Variants in STXBP5L observed in about 807,000 individuals in gnomAD.
STXBP5L encodes the protein syntaxin-binding protein 5-like.
Under a neutral mutation model 144.5 loss-of-function variants are expected in STXBP5L, and 65 were observed. The ratio of observed to expected loss-of-function variants is 0.45; its 90% CI spans 0.37 to 0.55. STXBP5L has a LOEUF of 0.55. Among genes scored for constraint, STXBP5L ranks in the 20% least tolerant of loss-of-function variants. The probability of loss-of-function intolerance (pLI) is 0.00; values close to 1 mark genes in which losing one functional copy is unlikely to be tolerated. For missense variants in STXBP5L, 1,298 were observed against 1,405.5 expected (o/e 0.92, Z 1.22); for synonymous variants, 505 against 469.6 (o/e 1.08, Z -0.97).
At chr3:121,315,304 C>T (rs1222194632) in intron 19 of STXBP5L, among the ~76,000 whole-genome samples, 1 of 151,968 alleles carries the variant, frequency 6.6e-6, no homozygotes, top group Admixed American at 6.6e-5. Context: ...ACTATGCAGC[C>T]ATAAAAATGG....
intron 5 of STXBP5L, among the ~76,000 whole-genome samples, chr3:121,113,716 C>T (rs2044107657): frequency 6.8e-6 from 1 of 146,932 alleles, no homozygotes; most frequent in Non-Finnish European, 1.5e-5. Flanking sequence ...GCTCTGTCAC[C>T]AGGCTGGAGT....
intron 5 of STXBP5L, among the ~76,000 whole-genome samples, chr3:121,049,150 T>C (rs1947750894): frequency 6.6e-6 from 1 of 152,106 alleles, no homozygotes; most frequent in Non-Finnish European, 1.5e-5. Flanking sequence ...TGGGGACCCA[T>C]GTAGAAAACA....
intron 2 of STXBP5L, among the ~76,000 whole-genome samples, chr3:120,923,965 C>T (rs1709483820): frequency 6.6e-6 from 1 of 151,930 alleles, no homozygotes; most frequent in African/African-American, 2.4e-5. Flanking sequence ...TTTGTAGGAA[C>T]AGAAGGAATG....
intron 6 of STXBP5L, among the ~76,000 whole-genome samples, chr3:121,118,691 C>T (rs1156769556): frequency 6.6e-6 from 1 of 151,410 alleles, no homozygotes; most frequent in Non-Finnish European, 1.5e-5. Context: ...AGACTGTGTT[C>T]TTGGTAAAAA....
chr3:120,909,771 A>T lies in STXBP5L; in HGVS notation c.189+4A>T, dbSNP rs746444834. 66 of 1,610,248 alleles carry T rather than the reference A, an allele frequency of 4.1e-5. No individual in the cohort carries two copies. ...GGAGTATTTCCAGATTTGCAAGGTA[A>T]GTTTTGAATTGGCTTAAAGCCTATT... On this transcript the variant is annotated splice_donor_region_variant and intron_variant, in intron 2 of 26. Coordinates refer to ENST00000471454, the MANE Select transcript of STXBP5L (RefSeq NM_001308330.2).
chr3:121,360,441 A>G (rs1035482702), intron 20 of STXBP5L, among the ~76,000 whole-genome samples: 3 of 151,436 alleles, frequency 2.0e-5, no homozygotes, highest in African/African-American at 7.3e-5. Context: ...GCATTTTGTT[A>G]TTTGTTTTCT....
In STXBP5L at chr3:121,289,731, C is replaced by T. The variant is rs187308178; in HGVS notation, c.2110+9775C>T. Among the ~76,000 whole-genome samples, 394 of 152,018 alleles carry T rather than the reference C, an allele frequency of 2.6e-3. 1 individual carries two copies. Among genetic ancestry groups the T allele is most frequent in the African/African-American group, 8.8e-3 (367 of 41,508 alleles). On this transcript the variant is annotated intron_variant, in intron 19 of 26. Coordinates refer to ENST00000471454, the MANE Select transcript of STXBP5L (RefSeq NM_001308330.2). ...TCAGACCACAGTGGAATAAAATTCA[C>T]ACAGTGGAATAAACTCCAAAAGGAA...
At chr3:121,359,993 A>G (rs531687221) in intron 20 of STXBP5L, among the ~76,000 whole-genome samples, 1 of 145,888 alleles carries the variant, frequency 6.9e-6, no homozygotes, top group African/African-American at 2.5e-5. Flanking sequence ...TATATAATAT[A>G]TATATTATTA....
At chr3:121,084,134 G>T (rs1307560177) in intron 5 of STXBP5L, among the ~76,000 whole-genome samples, 2 of 151,342 alleles carry the variant, frequency 1.3e-5, no homozygotes, top group Non-Finnish European at 1.5e-5. Flanking sequence ...TGTTTATTTT[G>T]GTTTTCTTTT....
intron 19 of STXBP5L, among the ~76,000 whole-genome samples, chr3:121,306,602 T>G (rs934633389): frequency 2.7e-4 from 41 of 152,210 alleles, no homozygotes; most frequent in African/African-American, 9.9e-4. Context: ...GTGACTAGCC[T>G]TATATGAAAC....
intron 5 of STXBP5L, among the ~76,000 whole-genome samples, chr3:121,095,026 C>T (rs1450610434): frequency 6.6e-6 from 1 of 151,682 alleles, no homozygotes; most frequent in Non-Finnish European, 1.5e-5. Flanking sequence ...AAAGCATTGT[C>T]TGTAAAGCCT....
chr3:121,282,208 C>A, intron 19 of STXBP5L: 1 of 1,549,502 alleles, frequency 6.5e-7, no homozygotes, highest in Non-Finnish European at 8.9e-7. Flanking sequence ...TCACTTTAGA[C>A]TTTTTTTTCT....
At chr3:121,038,348 TTATC>T (rs796507138) in intron 3 of STXBP5L, among the ~76,000 whole-genome samples, 13 of 152,142 alleles carry the variant, frequency 8.5e-5, no homozygotes, top group East Asian at 3.9e-4. Context: ...GTTTATTAAA[TTATC>T]TACTGTTTTT....
chr3:121,341,751 T>A (rs1384313276), intron 20 of STXBP5L, among the ~76,000 whole-genome samples: 1 of 152,032 alleles, frequency 6.6e-6, no homozygotes, highest in African/African-American at 2.4e-5. Context: ...TTAAGTGAAA[T>A]AAGCCAGACA....
intron 20 of STXBP5L, among the ~76,000 whole-genome samples, chr3:121,337,748 G>T (rs142921145): frequency 7.2e-4 from 110 of 152,236 alleles, no homozygotes; most frequent in Non-Finnish European, 1.3e-3. Context: ...AAGAGCTTCA[G>T]AATATACATT....
chr3:121,356,043 G>T (rs556108966), intron 20 of STXBP5L, among the ~76,000 whole-genome samples: 35 of 152,346 alleles, frequency 2.3e-4, no homozygotes, highest in African/African-American at 8.2e-4. Context: ...AAATATTGCT[G>T]CCTAATCCTT....
At chr3:121,087,682 G>C (rs1360278948) in intron 5 of STXBP5L, among the ~76,000 whole-genome samples, 1 of 151,696 alleles carries the variant, frequency 6.6e-6, no homozygotes, top group South Asian at 2.1e-4. Flanking sequence ...TGATATATTA[G>C]GGCTTAGGTT....
In STXBP5L at chr3:121,223,371, G is replaced by A. The variant is rs574026049; in HGVS notation, c.1111+214G>A. Among the ~76,000 whole-genome samples the A allele has an allele frequency of 2.6e-5, 4 of 152,258 alleles. No individual in the cohort carries two copies. The South Asian group carries it at 8.3e-4, about 32-fold the overall frequency. ...GCTGGCATTTCAGGTTCTAATATCA[G>A]GTAAGTGCTTTAAACTTTGATTAGA... On this transcript the variant is annotated intron_variant, in intron 11 of 26. Coordinates refer to ENST00000471454, the MANE Select transcript of STXBP5L (RefSeq NM_001308330.2).
intron 3 of STXBP5L, among the ~76,000 whole-genome samples, chr3:120,977,504 G>C (rs531146429): frequency 8.5e-5 from 13 of 152,150 alleles, no homozygotes; most frequent in African/African-American, 2.6e-4. Context: ...ATCCAATTTG[G>C]CAGTCTGTGT....
Sources: allele counts gnomAD v4.1 joint callset (sites outside exome capture counted in the v4.1 genomes callset), GRCh38; gene constraint gnomAD v4.1.1; transcripts MANE v1.5; gene names NCBI Gene and HGNC (gene_info 2026-07-23, HGNC 2026-07-21).